NRG3: variants seen among roughly 807,000 people sequenced by gnomAD.
NRG3 encodes neuregulin 3.
A neutral mutation model predicts 66.9 loss-of-function variants in NRG3; 31 were observed. That is an observed-to-expected ratio of 0.46 (90% CI 0.35 to 0.63). NRG3 has a LOEUF of 0.63. Among genes scored for constraint, NRG3 ranks in the 20% least tolerant of loss-of-function variants. NRG3 has a pLI of 0.00. For missense variants in NRG3, 910 were observed against 878.9 expected (o/e 1.04, Z -0.45); for synonymous variants, 393 against 359.4 (o/e 1.09, Z -1.06).
At chr10:82,874,168 A>T (rs932380428) in intron 4 of NRG3, among the ~76,000 whole-genome samples, 1 of 152,136 alleles carries the variant, frequency 6.6e-6, no homozygotes, top group African/African-American at 2.4e-5. Context: ...TAAAGAAAAT[A>T]GGCTTTAGTG....
intron 4 of NRG3, among the ~76,000 whole-genome samples, chr10:82,866,459 T>C (rs557244): frequency 0.54 from 81,552 of 151,980 alleles, 22,123 homozygotes; most frequent in East Asian, 0.68. Flanking sequence ...TAGAAATTTG[T>C]GAAATGTCTT....
chr10:82,212,484 A>T (rs2075446784), intron 1 of NRG3, among the ~76,000 whole-genome samples: 1 of 152,222 alleles, frequency 6.6e-6, no homozygotes, highest in South Asian at 2.1e-4. Flanking sequence ...TTAACTGTTT[A>T]TGTGATTTTT....
At chr10:82,348,601 C>G (rs1267478078) in intron 1 of NRG3, among the ~76,000 whole-genome samples, 1 of 146,112 alleles carries the variant, frequency 6.8e-6, no homozygotes, top group Admixed American at 6.8e-5. Flanking sequence ...TTTCCTGAAT[C>G]TGAACGTTGG....
chr10:82,865,378 CT>C (rs1379720973), intron 3 of NRG3, 32 bp from the exon 4 acceptor site: 1 of 1,611,384 alleles, frequency 6.2e-7, no homozygotes, highest in Admixed American at 1.7e-5. Flanking sequence ...CTCTTTTTCT[CT>C]TCCCCTTCCT....
intron 2 of NRG3, among the ~76,000 whole-genome samples, chr10:82,660,749 C>A (rs1293904631): frequency 6.6e-6 from 1 of 152,040 alleles, no homozygotes; most frequent in East Asian, 1.9e-4. Context: ...GCTCTCCATT[C>A]TTTTTCTGTC....
At chr10:82,200,293 T>C (rs570048393) in intron 1 of NRG3, among the ~76,000 whole-genome samples, 4 of 152,312 alleles carry the variant, frequency 2.6e-5, no homozygotes, top group African/African-American at 9.6e-5. Flanking sequence ...ACTTACTGAC[T>C]CCTGTACCAG....
At chr10:82,178,511 C>T (rs966066636) in intron 1 of NRG3, among the ~76,000 whole-genome samples, 5 of 152,146 alleles carry the variant, frequency 3.3e-5, no homozygotes, top group African/African-American at 9.7e-5. Context: ...TTTCACTTAG[C>T]ATAATATCCT....
intron 1 of NRG3, among the ~76,000 whole-genome samples, chr10:82,014,155 G>T (rs546877063): frequency 3.3e-5 from 5 of 152,172 alleles, no homozygotes; most frequent in Non-Finnish European, 7.3e-5. Flanking sequence ...ATTTAGAAAG[G>T]GAGAGATCTT....
At chr10:82,291,887 A>G (rs1276472448) in intron 1 of NRG3, among the ~76,000 whole-genome samples, 1 of 152,230 alleles carries the variant, frequency 6.6e-6, no homozygotes, top group Non-Finnish European at 1.5e-5. Flanking sequence ...AAGAAATACA[A>G]GAGAAAATTT....
intron 1 of NRG3, among the ~76,000 whole-genome samples, chr10:82,083,595 A>ATTT (rs35927277): frequency 8.7e-6 from 1 of 115,370 alleles, no homozygotes; most frequent in Non-Finnish European, 1.9e-5. Context: ...CCATTTGTTA[A>ATTT]TTTTTTTTTT....
At chr10:82,761,956 C>CTT (rs1235449474) in intron 3 of NRG3, among the ~76,000 whole-genome samples, 1 of 122,452 alleles carries the variant, frequency 8.2e-6, no homozygotes, top group African/African-American at 3.1e-5. Flanking sequence ...TTCTTTCTTT[C>CTT]TTTCTTTCTT....
At chr10:82,362,863 C>G (rs1035800134) in intron 2 of NRG3, among the ~76,000 whole-genome samples, 1 of 151,886 alleles carries the variant, frequency 6.6e-6, no homozygotes, top group African/African-American at 2.4e-5. Flanking sequence ...GTATGTTGAC[C>G]CCTCTTTCTA....
At chr10:82,843,540 A>C (rs887580881) in intron 3 of NRG3, among the ~76,000 whole-genome samples, 1 of 152,232 alleles carries the variant, frequency 6.6e-6, no homozygotes, top group Non-Finnish European at 1.5e-5. Flanking sequence ...ATGCCAACAT[A>C]AAATCAATAA....
intron 3 of NRG3, among the ~76,000 whole-genome samples, chr10:82,804,322 A>G (rs1457305500): frequency 1.3e-5 from 2 of 152,240 alleles, no homozygotes; most frequent in Admixed American, 1.3e-4. Flanking sequence ...AAAGAAATTC[A>G]TGCTAATTTT....
chr10:82,661,779 G>T (rs2052383839), intron 2 of NRG3, among the ~76,000 whole-genome samples: 1 of 152,160 alleles, frequency 6.6e-6, no homozygotes, highest in Non-Finnish European at 1.5e-5. Context: ...GCTGAGGTTG[G>T]GTTGCTATCC....
rs138453739 is a variant in NRG3, at chr10:82,043,568, G to A, written c.823+167405G>A. Among the ~76,000 whole-genome samples the A allele has an allele frequency of 5.3e-5, 8 of 151,804 alleles. No individual in the cohort carries two copies. In the South Asian group the frequency reaches 1.5e-3, roughly 28 times the overall value. On this transcript the variant is annotated intron_variant, in intron 1 of 8. Coordinates refer to ENST00000372141, the MANE Select transcript of NRG3 (RefSeq NM_001010848.4). Reference sequence around the variant, plus strand: ...CTTAATTTTGATCAATTTCTGTTTGGGTAGTGAATATATTTGGAGTATTTT... The same window carrying A: ...CTTAATTTTGATCAATTTCTGTTTGAGTAGTGAATATATTTGGAGTATTTT...
chr10:82,966,593 A>T (rs1851229256), intron 6 of NRG3, among the ~76,000 whole-genome samples: 1 of 151,944 alleles, frequency 6.6e-6, no homozygotes, highest in Non-Finnish European at 1.5e-5. Flanking sequence ...TGCATAGAAT[A>T]CTCTTTGGAA....
chr10:82,442,916 A>C (rs950660067), intron 2 of NRG3, among the ~76,000 whole-genome samples: 1 of 149,318 alleles, frequency 6.7e-6, no homozygotes, highest in African/African-American at 2.5e-5. Context: ...TTGTAGGCTG[A>C]ACGTGAAGTT....
At chr10:82,356,724 A>G (rs991164381) in intron 1 of NRG3, among the ~76,000 whole-genome samples, 3 of 152,232 alleles carry the variant, frequency 2.0e-5, no homozygotes, top group Non-Finnish European at 4.4e-5. Flanking sequence ...GGTCTGTGTG[A>G]ATCTGAAGGC....
Sources: gnomAD v4.1 joint callset for allele counts (sites outside exome capture counted in the v4.1 genomes callset) on GRCh38, gnomAD v4.1.1 for gene constraint, MANE v1.5 for transcripts, NCBI Gene and HGNC (gene_info 2026-07-23, HGNC 2026-07-21) for gene names.